PRPF6: variants seen among roughly 807,000 people sequenced by gnomAD.
The protein encoded by PRPF6 is pre-mRNA-processing factor 6.
A neutral mutation model predicts 118.3 loss-of-function variants in PRPF6; 42 were observed. The observed-to-expected ratio is 0.35, with a 90% CI of 0.28 to 0.46. The LOEUF is 0.46. Ranked by LOEUF, PRPF6 falls within the 20% of genes least tolerant of loss-of-function variation. The pLI is 1.00. For synonymous variants in PRPF6, 481 were observed against 485.1 expected (o/e 0.99, Z 0.11); for missense variants, 662 against 1,255.7 (o/e 0.53, Z 7.15).
At chr20:64,016,959 C>A in intron 12 of PRPF6, 114 bp downstream of exon 12, 1 of 1,356,780 alleles carries the variant, frequency 7.4e-7, no homozygotes, top group Non-Finnish European at 1.0e-6. Context: ...TTTTTTAAAT[C>A]TGAGACGGGG....
rs181969577 is a variant in PRPF6 at position 64,006,645 on chromosome 20, G to C, written c.1187-3555G>C. 1.6e-4 allele frequency among the ~76,000 whole-genome samples: 25 copies of C among 152,282 alleles called. No individual in the cohort carries two copies. The East Asian group carries it at 4.0e-3, about 25-fold the overall frequency. On this transcript the variant is annotated intron_variant, in intron 9 of 20. Transcript: ENST00000266079. Reference sequence around the variant, plus strand: ...TTTGGACCAGCTCTCTTGACAGGAGGGTCCAAGGAGGCGGAGACGGGACTC... The same window carrying C: ...TTTGGACCAGCTCTCTTGACAGGAGCGTCCAAGGAGGCGGAGACGGGACTC...
chr20:64,008,055 G>T (rs2059198485), intron 9 of PRPF6, among the ~76,000 whole-genome samples: 1 of 152,212 alleles, frequency 6.6e-6, no homozygotes, highest in African/African-American at 2.4e-5. Context: ...GGGATTACAG[G>T]CGTGAGCTAC....
chr20:64,000,897 G>A (rs2059163642), intron 8 of PRPF6, among the ~76,000 whole-genome samples, 180 bp from the exon 9 acceptor site: 1 of 152,190 alleles, frequency 6.6e-6, no homozygotes, highest in Non-Finnish European at 1.5e-5. Context: ...ACATATGGTA[G>A]CCATGTTCCC....
intron 8 of PRPF6, among the ~76,000 whole-genome samples, chr20:64,000,426 C>G (rs1239786192): frequency 1.4e-5 from 2 of 144,662 alleles, no homozygotes; most frequent in African/African-American, 5.2e-5. Flanking sequence ...CATGCTGCTC[C>G]AGCCTGGGCG....
chr20:63,988,057 C>A (rs559516770), intron 3 of PRPF6, among the ~76,000 whole-genome samples: 4 of 152,018 alleles, frequency 2.6e-5, no homozygotes, highest in African/African-American at 9.6e-5. Context: ...CTGGGACTCA[C>A]GCCTGTAATC....
chr20:63,988,165 C>T (rs1406199384), intron 3 of PRPF6, among the ~76,000 whole-genome samples: 1 of 151,888 alleles, frequency 6.6e-6, no homozygotes, highest in Non-Finnish European at 1.5e-5. Context: ...ACTAAAAATA[C>T]AAAAATTAGC....
At chr20:64,004,469 A>G (rs1042438852) in intron 9 of PRPF6, among the ~76,000 whole-genome samples, 1 of 152,192 alleles carries the variant, frequency 6.6e-6, no homozygotes, top group South Asian at 2.1e-4. Flanking sequence ...GGTTTTTGAA[A>G]TTAAGATGAC....
intron 2 of PRPF6, among the ~76,000 whole-genome samples, 165 bp downstream of exon 2, chr20:63,983,380 A>G (rs1377526199): frequency 1.3e-5 from 2 of 152,170 alleles, no homozygotes; most frequent in African/African-American, 4.8e-5. Flanking sequence ...AGCAGGAAAA[A>G]CACGGAGAAA....
In PRPF6 at chr20:64,026,937, C is replaced by A; in HGVS notation, c.2029-45C>A. ...GGATGAGTGTACCATGAAGCACGTA[C>A]CCTGGAGCTGATGCCCTGCGTGACA... On this transcript the variant is annotated intron_variant, in intron 15 of 20. Coordinates refer to ENST00000266079, the MANE Select transcript of PRPF6 (RefSeq NM_012469.4). The surrounding 1 kb of genome is among the most constrained non-coding windows in gnomAD (Gnocchi z 4.4). 6.2e-7 allele frequency: 1 copy of A among 1,610,276 alleles called. No individual in the cohort carries two copies. The highest frequency in any genetic ancestry group is 8.5e-7 in the Non-Finnish European group (1 of 1,177,250).
intron 3 of PRPF6, among the ~76,000 whole-genome samples, chr20:63,986,227 C>G (rs2059092516): frequency 6.6e-6 from 1 of 151,412 alleles, no homozygotes; most frequent in South Asian, 2.1e-4. Context: ...CGCCTATAAT[C>G]CCAGCTACTT....
chr20:64,010,334 T>C lies in PRPF6; in HGVS notation c.1305+16T>C. On this transcript the variant is annotated intron_variant, in intron 10 of 20. Transcript: ENST00000266079. ...CAGCGTGGAGGTGAGTCTGGCGGGC[T>C]CAGGGCCACCAGAGCCCAAAGTGGC... The C allele has an allele frequency of 6.2e-7, 1 of 1,604,486 alleles. No individual in the cohort carries two copies.
In PRPF6 at chr20:64,032,929, A is replaced by C. The variant is rs752095677; in HGVS notation, c.2762A>C (p.Asn921Thr). 1.9e-6 allele frequency: 3 copies of C among 1,613,508 alleles called. No individual in the cohort carries two copies. ...TGCGCCGTGTCCAAGGACATCGCCA[A>C]CTGGCAGAAGAAGATCGGGGACATC... ...LWCAVSKDIA[N>T]WQKKIGDILR... Residue 921 changes from asparagine (N) to threonine (T), a missense_variant, in exon 21 of 21, where the codon AAC becomes ACC. Asn to Thr is a moderately conservative substitution (Grantham distance 65, BLOSUM62 0). This residue lies in a region of PRPF6 where 244 missense variants were observed against 383.7 expected (regional missense o/e 0.64). Transcript: ENST00000266079.
intron 12 of PRPF6, among the ~76,000 whole-genome samples, chr20:64,020,727 C>G (rs1379366648): frequency 1.3e-5 from 2 of 150,526 alleles, no homozygotes; most frequent in Non-Finnish European, 3.0e-5. Flanking sequence ...ATTCACTTGT[C>G]TTTTACAGGT....
At chr20:63,993,227 TGTG>T (rs1272182470) in intron 3 of PRPF6, among the ~76,000 whole-genome samples, 177 bp from the exon 4 acceptor site, 4 of 12,702 alleles carry the variant, frequency 3.1e-4, no homozygotes, top group Non-Finnish European at 6.2e-4. Context: ...AAAAAAAAAA[TGTG>T]TGTGTGTGTG....
At chr20:63,992,770 G>A (rs1490558850) in intron 3 of PRPF6, among the ~76,000 whole-genome samples, 1 of 151,868 alleles carries the variant, frequency 6.6e-6, no homozygotes, top group African/African-American at 2.4e-5. Context: ...GTCTCTCTGT[G>A]TTGCCCAGGC....
At chr20:64,021,732 T>C (rs961073337) in intron 12 of PRPF6, among the ~76,000 whole-genome samples, 3 of 148,296 alleles carry the variant, frequency 2.0e-5, no homozygotes. Context: ...CCCGTGTGTG[T>C]GCGTGTGTGT....
chr20:64,013,027 C>T (rs939006712), intron 11 of PRPF6, among the ~76,000 whole-genome samples: 8 of 150,234 alleles, frequency 5.3e-5, no homozygotes, highest in Non-Finnish European at 8.8e-5. Context: ...TGCAGTGGCA[C>T]GATCTTGGCT....
Position 64,026,171 on chromosome 20 carries a change from A to T in PRPF6, c.2028+113A>T, listed in dbSNP as rs2059289569. ...GAGATGACGGCAGGCAAACGAGACC[A>T]CAGCACACTCATCTTTGTGATGTGA... On this transcript the variant is annotated intron_variant, in intron 15 of 20. Transcript: ENST00000266079. The surrounding 1 kb of genome is among the most constrained non-coding windows in gnomAD (Gnocchi z 4.4). The T allele has an allele frequency of 2.6e-6, 4 of 1,527,664 alleles. No homozygotes were observed. In the South Asian group the frequency reaches 3.4e-5, roughly 13 times the overall value. 94.6% of individuals were successfully genotyped at this position (1,527,664 alleles called of 1,614,324 possible).
At chr20:64,017,619 A>G (rs816920) in intron 12 of PRPF6, among the ~76,000 whole-genome samples, 40,925 of 95,436 alleles carry the variant, frequency 0.43, 6,724 homozygotes, top group African/African-American at 0.59. Context: ...GATCACAGGC[A>G]TGAGCCGCCG....
Sources: allele counts gnomAD v4.1 joint callset (sites outside exome capture counted in the v4.1 genomes callset), GRCh38; gene constraint gnomAD v4.1.1; regional missense constraint gnomAD v4.1.1; non-coding constraint Gnocchi (gnomAD v3.1); transcripts MANE v1.5; gene names NCBI Gene and HGNC (gene_info 2026-07-23, HGNC 2026-07-21).